PLAAT1: variants seen among roughly 807,000 people sequenced by gnomAD.
PLAAT1 encodes H-REV107 protein-related protein.
Under a neutral mutation model 16.4 loss-of-function variants are expected in PLAAT1, and 13 were observed. The observed-to-expected ratio is 0.79, with a 90% CI of 0.52 to 1.26. The LOEUF is 1.26. PLAAT1 is among the 50% of genes most tolerant of loss of function. The pLI is 0.00. For missense variants in PLAAT1, 218 were observed against 207.8 expected, an observed-to-expected ratio of 1.05 and a Z score of -0.30; for synonymous variants, 73 against 78.4, an observed-to-expected ratio of 0.93 and a Z score of 0.36.
chr3:193,244,995 A>T (rs539911061), intron 1 of PLAAT1, among the ~76,000 whole-genome samples: 1 of 152,338 alleles, frequency 6.6e-6, no homozygotes, highest in South Asian at 2.1e-4. Context: ...GGAGACAAAC[A>T]TTCAAACCAT....
intron 2 of PLAAT1, among the ~76,000 whole-genome samples, chr3:193,276,205 C>T (rs1717191907): frequency 6.6e-6 from 1 of 152,090 alleles, no homozygotes; most frequent in South Asian, 2.1e-4. Context: ...ATAAAACTCT[C>T]CTTTTACAAA....
rs139016424 is a variant in PLAAT1, at chr3:193,263,282, A to T, written c.405+47A>T. 1.9e-6 allele frequency: 3 copies of T among 1,559,404 alleles called. No homozygotes were observed. The South Asian group carries it at 3.5e-5, about 18-fold the overall frequency. The stretch of plus-strand genomic sequence containing the variant: ...TTCTTACATTGAGAAAAGAATAACT[A>T]TTGGCTATGATAAGGTTCCCAGGCC... On this transcript the variant is annotated intron_variant, in intron 3 of 3. Transcript: ENST00000264735.
intron 2 of PLAAT1, among the ~76,000 whole-genome samples, chr3:193,256,854 A>G (rs1716394225): frequency 6.6e-6 from 1 of 152,314 alleles, no homozygotes; most frequent in South Asian, 2.1e-4. Context: ...AGACAATGGC[A>G]TATTTTCAAT....
At chr3:193,280,908 T>C (rs1321332660), downstream of PLAAT1, among the ~76,000 whole-genome samples, 1 of 152,156 alleles carries the variant, frequency 6.6e-6, no homozygotes, top group Non-Finnish European at 1.5e-5. Context: ...TCTACAGGCC[T>C]ATACCAACCA....
downstream of PLAAT1, among the ~76,000 whole-genome samples, chr3:193,278,483 C>G (rs911061856): frequency 6.6e-6 from 1 of 152,188 alleles, no homozygotes; most frequent in Non-Finnish European, 1.5e-5. Context: ...TCTTCTAGTG[C>G]TTGGGTAAGC....
intron 2 of PLAAT1, among the ~76,000 whole-genome samples, chr3:193,258,455 TAACAA>T (rs1324574544): frequency 1.4e-5 from 2 of 140,030 alleles, no homozygotes; most frequent in African/African-American, 2.7e-5. Context: ...CATGCAAAAT[TAACAA>T]AACAAAGAAT....
chr3:193,244,480 T>A (rs1397907145), intron 1 of PLAAT1, among the ~76,000 whole-genome samples: 6 of 152,070 alleles, frequency 3.9e-5, no homozygotes, highest in Admixed American at 6.5e-5. Context: ...TTTTTTTTTT[T>A]AAATTGACAA....
chr3:193,267,576 C>T (rs1577311873), intron 3 of PLAAT1, among the ~76,000 whole-genome samples: 1 of 152,030 alleles, frequency 6.6e-6, no homozygotes, highest in African/African-American at 2.4e-5. Context: ...TATTCCATTT[C>T]CTTGATTTAC....
chr3:193,268,635 G>A lies in PLAAT1; in HGVS notation c.406-1969G>A, dbSNP rs1041566933. Among the ~76,000 whole-genome samples the A allele has an allele frequency of 2.6e-5, 4 of 152,300 alleles. No homozygotes were observed. The East Asian group carries it at 5.8e-4, about 22-fold the overall frequency. ...CCAGTGGGTTGTCCCAATTACATGAGATTCATTATCTAGAATGAGACTTGA... is the reference window on the plus strand; with the variant it reads ...CCAGTGGGTTGTCCCAATTACATGAAATTCATTATCTAGAATGAGACTTGA... On this transcript the variant is annotated intron_variant, in intron 3 of 3. Transcript: ENST00000264735.
intron 2 of PLAAT1, among the ~76,000 whole-genome samples, chr3:193,276,303 C>T (rs922773048): frequency 1.3e-5 from 2 of 152,046 alleles, no homozygotes; most frequent in Admixed American, 6.5e-5. Flanking sequence ...AAAGAAACAC[C>T]GTAAGAGGAA....
chr3:193,240,654 C>CGTGTGTGTGTATGTGTGTGT (rs1715680621), upstream of PLAAT1, among the ~76,000 whole-genome samples: 2 of 88,502 alleles, frequency 2.3e-5, no homozygotes. Flanking sequence ...GGCTATCTGG[C>CGTGTGTGTGTATGTGTGTGT]GTGTGTGTGT....
intron 2 of PLAAT1, among the ~76,000 whole-genome samples, chr3:193,256,499 GGAAC>G (rs769522578): frequency 6.6e-6 from 1 of 152,104 alleles, no homozygotes; most frequent in Non-Finnish European, 1.5e-5. Flanking sequence ...TAAAGAATTA[GGAAC>G]AGTTTGTAAA....
At chr3:193,253,245 A>G (rs1716258241) in intron 1 of PLAAT1, among the ~76,000 whole-genome samples, 1 of 152,162 alleles carries the variant, frequency 6.6e-6, no homozygotes, top group Non-Finnish European at 1.5e-5. Flanking sequence ...CTCTTATGAA[A>G]TCTTATTTCT....
rs889874196 is a variant in PLAAT1, at chr3:193,254,088, A to T, written c.1-1563A>T. ...CCATGTGGCCAAATTACGAACTGCC[A>T]TATTAATAAGATGCAAACATATTTG... On this transcript the variant is annotated intron_variant, in intron 1 of 3. Coordinates refer to ENST00000264735, the MANE Select transcript of PLAAT1 (RefSeq NM_020386.5). Among the ~76,000 whole-genome samples, 5 of 152,280 alleles carry T rather than the reference A, an allele frequency of 3.3e-5. No homozygotes were observed. The East Asian group carries it at 7.7e-4, about 24-fold the overall frequency.
downstream of PLAAT1, among the ~76,000 whole-genome samples, chr3:193,271,857 A>G (rs1716992087): frequency 6.6e-6 from 1 of 152,302 alleles, no homozygotes; most frequent in South Asian, 2.1e-4. Context: ...GGCCAGAAAT[A>G]CTCAACAAGC....
At chr3:193,243,204 T>A (rs892531076) in intron 1 of PLAAT1, among the ~76,000 whole-genome samples, 1 of 152,224 alleles carries the variant, frequency 6.6e-6, no homozygotes, top group Non-Finnish European at 1.5e-5. Context: ...ATGAAGCATT[T>A]TTTTACCTTA....
At chr3:193,244,945 A>G (rs912275668) in intron 1 of PLAAT1, among the ~76,000 whole-genome samples, 2 of 152,164 alleles carry the variant, frequency 1.3e-5, no homozygotes, top group African/African-American at 4.8e-5. Context: ...ACTTCTCAAT[A>G]CTACCACATT....
chr3:193,275,076 T>C, downstream of PLAAT1: 1 of 1,614,236 alleles, frequency 6.2e-7, no homozygotes, highest in Non-Finnish European at 8.5e-7. Flanking sequence ...TTCTGTGGGT[T>C]GGCCTCCCAA....
intron 1 of PLAAT1, among the ~76,000 whole-genome samples, chr3:193,245,668 G>A (rs1164839930): frequency 6.6e-6 from 1 of 152,048 alleles, no homozygotes; most frequent in Non-Finnish European, 1.5e-5. Context: ...GATATACAAG[G>A]GTTTCCTTTT....
Sources: gnomAD v4.1 joint callset for allele counts (sites outside exome capture counted in the v4.1 genomes callset) on GRCh38, gnomAD v4.1.1 for gene constraint, MANE v1.5 for transcripts, NCBI Gene and HGNC (gene_info 2026-07-23, HGNC 2026-07-21) for gene names.